The following PTER variants were observed in gnomAD, a reference collection of about 807,000 sequenced individuals.
PTER encodes the protein N-acetyltaurine hydrolase.
In PTER, 38 loss-of-function variants were observed where a neutral mutation model predicts 29.6. The ratio of observed to expected loss-of-function variants is 1.28; its 90% CI spans 0.99 to 1.68. The LOEUF is 1.68. Among genes scored for constraint, PTER ranks in the 40% most tolerant of loss-of-function variants. PTER has a pLI of 0.00. For missense variants in PTER, 482 were observed against 427.8 expected (o/e 1.13, Z -1.12); for synonymous variants, 172 against 154.5 (o/e 1.11, Z -0.84).
At chr10:16,456,914 A>G (rs184866377) in intron 1 of PTER, among the ~76,000 whole-genome samples, 2 of 151,406 alleles carry the variant, frequency 1.3e-5, no homozygotes, top group African/African-American at 4.9e-5. Flanking sequence ...GTCTCACAAG[A>G]TCTGATGATT....
Position 16,486,592 on chromosome 10 carries a change from A to G in PTER, c.673A>G (p.Lys225Glu), listed in dbSNP as rs200138473. The G allele has an allele frequency of 6.2e-7, 1 of 1,613,726 alleles. No homozygotes were observed. Residue 225 changes from lysine (K) to glutamate (E), a missense_variant, in exon 3 of 5, where the codon AAA (lysine) becomes GAA (glutamate). By Grantham distance (56) the Lys-to-Glu change is moderately conservative. Transcript: ENST00000535784. ...ILQEAGADIS[K>E]TVMSHLDRTI... The stretch of plus-strand genomic sequence containing the variant: ...GCAAGAAGCAGGCGCAGACATCTCC[A>G]AAACAGTCATGTCACACCTGGATAG...
At chr10:16,451,478 G>A (rs1588585899) in intron 1 of PTER, among the ~76,000 whole-genome samples, 2 of 152,308 alleles carry the variant, frequency 1.3e-5, no homozygotes, top group South Asian at 2.1e-4. Flanking sequence ...AGAGGCCAAG[G>A]TGGGTGGATC....
chr10:16,443,378 T>C (rs1396331588), intron 1 of PTER, among the ~76,000 whole-genome samples: 1 of 152,192 alleles, frequency 6.6e-6, no homozygotes, highest in African/African-American at 2.4e-5. Flanking sequence ...GTGCTGAGGG[T>C]TCGGGCTGCA....
intron 3 of PTER, among the ~76,000 whole-genome samples, chr10:16,492,265 A>G (rs534846013): frequency 6.6e-6 from 1 of 152,322 alleles, no homozygotes; most frequent in East Asian, 1.9e-4. Flanking sequence ...TGATAGTTAC[A>G]GCCACCCAAA....
chr10:16,476,901 C>CTTT (rs1010674988), intron 1 of PTER, among the ~76,000 whole-genome samples: 60 of 100,316 alleles, frequency 6.0e-4, no homozygotes, highest in Non-Finnish European at 8.1e-4. Flanking sequence ...TCCTAGAATT[C>CTTT]TTTTTTTTTT....
chr10:16,517,818 G>T (rs145813448), downstream of PTER, among the ~76,000 whole-genome samples: 1 of 152,148 alleles, frequency 6.6e-6, no homozygotes, highest in Admixed American at 6.5e-5. Context: ...TGATGTTCTC[G>T]TAATTTCATT....
At chr10:16,460,434 C>T (rs1401889175) in intron 1 of PTER, among the ~76,000 whole-genome samples, 2 of 152,126 alleles carry the variant, frequency 1.3e-5, no homozygotes, top group African/African-American at 2.4e-5. Context: ...ATGAAGTCAT[C>T]AAATTAAATG....
intron 3 of PTER, among the ~76,000 whole-genome samples, chr10:16,490,627 G>T (rs1564403667): frequency 6.6e-6 from 1 of 150,404 alleles, no homozygotes; most frequent in Admixed American, 6.7e-5. Context: ...AAAATAGGGT[G>T]TTTTTTTTCT....
chr10:16,446,292 T>G (rs1387293320), intron 1 of PTER, among the ~76,000 whole-genome samples: 1 of 151,760 alleles, frequency 6.6e-6, no homozygotes, highest in Non-Finnish European at 1.5e-5. Context: ...CTTGGCTAAC[T>G]GCAACCTCCA....
chr10:16,464,378 T>C (rs1834731821), intron 1 of PTER, among the ~76,000 whole-genome samples: 1 of 152,232 alleles, frequency 6.6e-6, no homozygotes, highest in Non-Finnish European at 1.5e-5. Context: ...CTGGTTTTAC[T>C]CAACTTTGAA....
intron 1 of PTER, among the ~76,000 whole-genome samples, chr10:16,459,897 G>T (rs771196939): frequency 5.3e-5 from 8 of 152,008 alleles, no homozygotes; most frequent in Non-Finnish European, 8.8e-5. Flanking sequence ...ACAGGCATGC[G>T]CCACCATGCC....
intron 1 of PTER, among the ~76,000 whole-genome samples, chr10:16,473,723 T>C (rs1835150790): frequency 6.6e-6 from 1 of 152,086 alleles, no homozygotes; most frequent in African/African-American, 2.4e-5. Context: ...ATGCAGTTTG[T>C]CATGAAGCTG....
chr10:16,489,080 A>G (rs796863309), intron 3 of PTER, among the ~76,000 whole-genome samples: 19 of 152,272 alleles, frequency 1.2e-4, no homozygotes, highest in African/African-American at 4.3e-4. Flanking sequence ...TTTCTTACCT[A>G]TACTCTGTAT....
chr10:16,492,463 T>TA (rs997802673), intron 3 of PTER, among the ~76,000 whole-genome samples: 13 of 152,068 alleles, frequency 8.5e-5, no homozygotes, highest in Non-Finnish European at 1.3e-4. Flanking sequence ...TAGATGCGAT[T>TA]AAAAAAAACA....
chr10:16,479,172 C>G (rs1835388263), intron 1 of PTER, among the ~76,000 whole-genome samples: 1 of 151,998 alleles, frequency 6.6e-6, no homozygotes, highest in African/African-American at 2.4e-5. Context: ...AGCAGTTTTG[C>G]TTTATTTATG....
At chr10:16,454,706 A>G (rs1178332320) in intron 1 of PTER, among the ~76,000 whole-genome samples, 1 of 152,078 alleles carries the variant, frequency 6.6e-6, no homozygotes, top group Non-Finnish European at 1.5e-5. Context: ...TATAATTTCC[A>G]TTTTTATGGC....
intron 1 of PTER, among the ~76,000 whole-genome samples, chr10:16,467,013 A>G (rs1479796598): frequency 6.6e-6 from 1 of 152,174 alleles, no homozygotes. Context: ...ACTTCCACCA[A>G]TGCAGATAGG....
intron 2 of PTER, among the ~76,000 whole-genome samples, chr10:16,485,433 G>A (rs1006918123): frequency 4.6e-5 from 7 of 152,114 alleles, no homozygotes; most frequent in African/African-American, 1.4e-4. Context: ...ACGTGTATGT[G>A]TTCTCTTTCT....
chr10:16,517,055 T>C (rs530325193), downstream of PTER, among the ~76,000 whole-genome samples: 1 of 152,322 alleles, frequency 6.6e-6, no homozygotes, highest in South Asian at 2.1e-4. Context: ...TCAACAATTC[T>C]TTCAAGCCAT....
Sources: gnomAD v4.1 joint callset for allele counts (sites outside exome capture counted in the v4.1 genomes callset) on GRCh38, gnomAD v4.1.1 for gene constraint, MANE v1.5 for transcripts, NCBI Gene and HGNC (gene_info 2026-07-23, HGNC 2026-07-21) for gene names.